Variants in SLC7A8 observed in about 807,000 individuals in gnomAD.
SLC7A8 encodes the protein solute carrier family 7 member 8.
Under a neutral mutation model 51.2 loss-of-function variants are expected in SLC7A8, and 30 were observed. The observed-to-expected ratio is 0.59, with a 90% CI of 0.44 to 0.80. The LOEUF (loss-of-function observed/expected upper bound fraction) is 0.80. Ranked by LOEUF, SLC7A8 falls within the 30% of genes least tolerant of loss-of-function variation. The pLI is 0.00. For synonymous variants in SLC7A8, 257 were observed against 275.8 expected (o/e 0.93, Z 0.67); for missense variants, 612 against 674.4 (o/e 0.91, Z 1.03).
At position 23,143,125 on chromosome 14, in the gene SLC7A8, C is replaced by T; in HGVS notation, c.588G>A (p.Leu196=). 6.2e-7 allele frequency: 1 copy of T among 1,614,164 alleles called. No homozygotes were observed. Among genetic ancestry groups the T allele is most frequent in the Non-Finnish European group, 8.5e-7 (1 of 1,180,030 alleles). ...VQDIFTAGKL[L]ALALIIIMGI... is the part of the protein sequence containing the mutation. ...CCATGATGATAATCAGGGCCAAGGC[C>T]AGGAGCTTCCCAGCTGTGAAGATGT... Residue 196 remains leucine (L), a synonymous_variant, in exon 4 of 11, where the codon CTG becomes CTA. Transcript: ENST00000316902.
intron 1 of SLC7A8, among the ~76,000 whole-genome samples, chr14:23,172,109 AG>A (rs1179323883): frequency 6.6e-6 from 1 of 152,168 alleles, no homozygotes; most frequent in African/African-American, 2.4e-5. Flanking sequence ...CTACCTCAAC[AG>A]GGTTGTTGTG....
In SLC7A8 at chr14:23,128,288, A is replaced by G; in HGVS notation, c.1264-92T>C. On this transcript the variant is annotated intron_variant, in intron 9 of 10. Coordinates refer to ENST00000316902, the MANE Select transcript of SLC7A8 (RefSeq NM_012244.4). This position sits in a 1 kb window ranked among gnomAD's most constrained non-coding sequence, Gnocchi z 4.3. The stretch of plus-strand genomic sequence containing the variant: ...GGCATTCTCTCTCTTCTTCACCCAC[A>G]GAGACACATCCTCAAGGGCAAAGGC... The G allele has an allele frequency of 1.3e-6, 2 of 1,568,142 alleles. No homozygotes were observed. The highest frequency in any genetic ancestry group is 1.7e-6 in the Non-Finnish European group (2 of 1,157,782).
chr14:23,177,979 C>A (rs550968843), intron 1 of SLC7A8, among the ~76,000 whole-genome samples: 13 of 152,286 alleles, frequency 8.5e-5, no homozygotes, highest in Non-Finnish European at 1.8e-4. Flanking sequence ...AAGAATAATG[C>A]TTACAAGCTT....
At chr14:23,137,873 G>A (rs749779021) in intron 7 of SLC7A8, 48 bp downstream of exon 7, 3 of 1,602,848 alleles carry the variant, frequency 1.9e-6, no homozygotes. Flanking sequence ...ATAGCAAAGT[G>A]CACAGCAGAG....
At chr14:23,160,598 G>C (rs1253027752) in intron 3 of SLC7A8, among the ~76,000 whole-genome samples, 14 of 149,982 alleles carry the variant, frequency 9.3e-5, no homozygotes, top group Non-Finnish European at 2.1e-4. Context: ...AGGGCACGCT[G>C]TAGGAATAAC....
chr14:23,140,512 G>C lies in SLC7A8; in HGVS notation c.747C>G (p.Asn249Lys). The change falls in exon 5 of 11, where the codon AAC (asparagine) becomes AAG (lysine). Residue 249 changes from asparagine (N) to lysine (K), a missense_variant. Asn to Lys is a moderately conservative substitution (Grantham distance 94, BLOSUM62 0). Transcript: ENST00000316902. ...LQGSFAYGGW[N>K]FLNYVTEELV... is the part of the protein sequence containing the mutation. ...GCTCCTCAGTCACGTAATTCAGAAA[G>C]TTCCAGCCTCCATAGGCAAAGGAGC... 2 of 1,613,958 alleles carry C rather than the reference G, an allele frequency of 1.2e-6. No individual in the cohort carries two copies. Among genetic ancestry groups the C allele is most frequent in the Non-Finnish European group, 1.7e-6 (2 of 1,179,830 alleles).
At chr14:23,150,142 T>A (rs566200301) in intron 3 of SLC7A8, among the ~76,000 whole-genome samples, 8 of 152,340 alleles carry the variant, frequency 5.3e-5, no homozygotes, top group African/African-American at 1.9e-4. Flanking sequence ...AGAACACCAA[T>A]GAATCATTAG....
In SLC7A8 at chr14:23,166,528, C is replaced by A; in HGVS notation, c.164G>T (p.Gly55Val). The change falls in exon 2 of 11, where the codon GGC becomes GTC. Residue 55 changes from glycine (G) to valine (V), a missense_variant. By Grantham distance (109) the Gly-to-Val change is moderately radical. Transcript: ENST00000316902. ...CTTTGGCGAGACAAAGATTCCAGAG[C>A]CGATGATGTTCCCTGCATGAGGCAC... Reference protein sequence around the residue: ...ACGIIVGNIIGSGIFVSPKGV... With the variant: ...ACGIIVGNIIVSGIFVSPKGV... 2 of 1,614,004 alleles carry A rather than the reference C, an allele frequency of 1.2e-6. No homozygotes were observed. Among genetic ancestry groups the A allele is most frequent in the Non-Finnish European group, 8.5e-7 (1 of 1,179,920 alleles).
In SLC7A8 at chr14:23,183,193, G is replaced by T; in HGVS notation, c.-279C>A. On this transcript the variant is annotated 5_prime_UTR_variant, in exon 1 of 11. Coordinates refer to ENST00000316902, the MANE Select transcript of SLC7A8 (RefSeq NM_012244.4). ...AGACATACATTTAAATATAAAAATA[G>T]AACTGTGCCAGCGACTCCGGCTGGA... 1 of 329,654 alleles carries T rather than the reference G, an allele frequency of 3.0e-6. No individual in the cohort carries two copies. Among genetic ancestry groups the T allele is most frequent in the South Asian group, 3.3e-5 (1 of 30,646 alleles). 20.4% of individuals were successfully genotyped at this position (329,654 alleles called of 1,614,324 possible). A position where few individuals can be genotyped will look rare whatever the true frequency, so the allele number is the denominator to read the frequency against.
chr14:23,130,384 G>T (rs2048620934), intron 8 of SLC7A8, among the ~76,000 whole-genome samples: 1 of 152,046 alleles, frequency 6.6e-6, no homozygotes, highest in South Asian at 2.1e-4. Flanking sequence ...AGGTTTTCTT[G>T]ACAGAGTCTA....
At chr14:23,140,649 C>T (rs779876145) in intron 4 of SLC7A8, 25 bp from the exon 5 acceptor site, 73 of 1,596,628 alleles carry the variant, frequency 4.6e-5, no homozygotes, top group South Asian at 2.5e-4. Flanking sequence ...AACAGGAGGC[C>T]GCTCAGTGAG....
At chr14:23,129,859 G>T in intron 8 of SLC7A8, 60 bp from the exon 9 acceptor site, 1 of 1,580,770 alleles carries the variant, frequency 6.3e-7, no homozygotes, top group South Asian at 1.1e-5. Flanking sequence ...TGGTATTACA[G>T]ATTAGGGGCT....
intron 3 of SLC7A8, among the ~76,000 whole-genome samples, chr14:23,162,733 G>C (rs941028481): frequency 5.3e-5 from 8 of 152,178 alleles, no homozygotes; most frequent in African/African-American, 1.9e-4. Flanking sequence ...CGCCAAAAAG[G>C]CTACACTACT....
At chr14:23,127,926 T>C in intron 10 of SLC7A8, 93 bp downstream of exon 10, 1 of 1,112,516 alleles carries the variant, frequency 9.0e-7, no homozygotes. Context: ...TGAGCCTAGA[T>C]CTCCTGGCCC....
At chr14:23,160,584 A>AAG (rs1307299874) in intron 3 of SLC7A8, among the ~76,000 whole-genome samples, 1 of 150,958 alleles carries the variant, frequency 6.6e-6, no homozygotes, top group African/African-American at 2.4e-5. Flanking sequence ...AAAAAAAAAA[A>AAG]AAAAGGGCAC....
chr14:23,143,194 T>A lies in SLC7A8; in HGVS notation c.519A>T (p.Thr173=), dbSNP rs766044712. 1 of 1,614,160 alleles carries A rather than the reference T, an allele frequency of 6.2e-7. No homozygotes were observed. Among genetic ancestry groups the A allele is most frequent in the Non-Finnish European group, 8.5e-7 (1 of 1,180,022 alleles). The change falls in exon 4 of 11, where the codon ACA becomes ACT. Residue 173 remains threonine, a synonymous_variant. Transcript: ENST00000316902. ...ACCGCACACTGGAACAGTTGACCCA[T>A]GTGAGGAGCACTGAAATGAAAGACC... ...LLAAICLLLL[T]WVNCSSVRWA...
At position 23,166,429 on chromosome 14, in the gene SLC7A8, A is replaced by C; in HGVS notation, c.263T>G (p.Val88Gly). Reference sequence around the variant, plus strand: ...GAGTTCAGCATAGCAGAGGGCTCCCACAACTGTGATGAAGCCCGTCACAAT... The same window carrying C: ...GAGTTCAGCATAGCAGAGGGCTCCCCCAACTGTGATGAAGCCCGTCACAAT... ...VWIVTGFITV[V>G]GALCYAELGV... Residue 88 changes from valine to glycine, a missense_variant, in exon 2 of 11, where the codon GTG (valine) becomes GGG (glycine). Transcript: ENST00000316902. The C allele has an allele frequency of 6.2e-7, 1 of 1,614,192 alleles. No homozygotes were observed. The highest frequency in any genetic ancestry group is 8.5e-7 in the Non-Finnish European group (1 of 1,180,022).
intron 3 of SLC7A8, chr14:23,154,256 C>G (rs1161723690): frequency 1.0e-5 from 10 of 1,000,214 alleles, no homozygotes; most frequent in Non-Finnish European, 1.2e-5. Flanking sequence ...TTCTCAGCCT[C>G]ACCTTTTGCT....
intron 1 of SLC7A8, among the ~76,000 whole-genome samples, chr14:23,168,308 C>G (rs1006472148): frequency 3.3e-5 from 5 of 152,194 alleles, no homozygotes; most frequent in Non-Finnish European, 5.9e-5. Flanking sequence ...GCAGGGACTA[C>G]AAAACCTGCT....
Sources: gnomAD v4.1 joint callset for allele counts (sites outside exome capture counted in the v4.1 genomes callset) on GRCh38, gnomAD v4.1.1 for gene constraint, Gnocchi (gnomAD v3.1) non-coding constraint, MANE v1.5 for transcripts, NCBI Gene and HGNC (gene_info 2026-07-23, HGNC 2026-07-21) for gene names.